The following PAN3 variants were observed in gnomAD, a reference collection of about 807,000 sequenced individuals.
The protein encoded by PAN3 is PAN2-PAN3 deadenylation complex subunit PAN3.
In PAN3, 19 loss-of-function variants were observed where a neutral mutation model predicts 96.2. The ratio of observed to expected loss-of-function variants is 0.20; its 90% confidence interval spans 0.14 to 0.29. PAN3 has a LOEUF of 0.29. Among genes scored for constraint, PAN3 ranks in the 10% least tolerant of loss-of-function variants. The probability of loss-of-function intolerance (pLI) is 1.00; values close to 1 mark genes in which losing one functional copy is unlikely to be tolerated. For synonymous variants in PAN3, 433 were observed against 406.6 expected, an observed-to-expected ratio of 1.06 and a Z score of -0.78; for missense variants, 882 against 1,108.1, an observed-to-expected ratio of 0.80 and a Z score of 2.90.
At chr13:28,270,634 AT>A in intron 12 of PAN3, 66 bp from the exon 13 acceptor site, 1 of 1,503,124 alleles carries the variant, frequency 6.7e-7, no homozygotes, top group Non-Finnish European at 9.1e-7. Flanking sequence ...GCTAATTTTG[AT>A]GTTAATGCTT....
At chr13:28,262,900 G>T (rs368841049) in intron 9 of PAN3, among the ~76,000 whole-genome samples, 1 of 152,118 alleles carries the variant, frequency 6.6e-6, no homozygotes, top group African/African-American at 2.4e-5. Context: ...TATTTATTAC[G>T]CAGTATTAAA....
At chr13:28,206,483 C>G (rs374302892) in intron 5 of PAN3, among the ~76,000 whole-genome samples, 16 of 151,832 alleles carry the variant, frequency 1.1e-4, no homozygotes, top group African/African-American at 3.9e-4. Flanking sequence ...CCACCACACC[C>G]GGCTAATTTT....
rs4142558 is a variant in PAN3, at chr13:28,177,978, A to G, written c.690+43A>G. Reference sequence around the variant, plus strand: ...TTGAATTAAACTAAATGGAATTTAGAAGTGATGTTGGCATTGTTACCTATG... The same window carrying G: ...TTGAATTAAACTAAATGGAATTTAGGAGTGATGTTGGCATTGTTACCTATG... On this transcript the variant is annotated intron_variant, in intron 4 of 18. Coordinates refer to ENST00000380958, the MANE Select transcript of PAN3 (RefSeq NM_175854.8). 3 of 1,532,668 alleles carry G rather than the reference A, an allele frequency of 2.0e-6. 1 individual carries two copies. In the Admixed American group the frequency reaches 5.1e-5, roughly 26 times the overall value. 94.9% of individuals were successfully genotyped at this position (1,532,668 alleles called of 1,614,324 possible). A position where few individuals can be genotyped will look rare whatever the true frequency, so the allele number is the denominator to read the frequency against.
intron 5 of PAN3, among the ~76,000 whole-genome samples, chr13:28,211,130 G>T (rs931919808): frequency 6.6e-6 from 1 of 151,930 alleles, no homozygotes; most frequent in Non-Finnish European, 1.5e-5. Context: ...CAGACTCTTG[G>T]CCTTGAGCAG....
intron 17 of PAN3, among the ~76,000 whole-genome samples, chr13:28,286,723 A>G (rs1222333468): frequency 1.3e-5 from 2 of 151,866 alleles, no homozygotes; most frequent in African/African-American, 2.4e-5. Flanking sequence ...TTTTTTAGGT[A>G]TTTACTGTCA....
At chr13:28,148,046 G>T (rs7326140) in intron 1 of PAN3, among the ~76,000 whole-genome samples, 5,721 of 151,760 alleles carry the variant, frequency 0.038, 334 homozygotes, top group African/African-American at 0.13. Flanking sequence ...GTCTCGACTT[G>T]CTGGGCTCAA....
chr13:28,287,944 A>G (rs1869195815), intron 17 of PAN3, 40 bp from the exon 18 acceptor site: 1 of 1,576,294 alleles, frequency 6.3e-7, no homozygotes, highest in Non-Finnish European at 8.6e-7. Context: ...CACAGACCAT[A>G]CAGCATGAGT....
rs1878153016 is a variant in PAN3 at position 28,197,179 on chromosome 13, T to C, written c.691-6T>C. On this transcript the variant is annotated splice_polypyrimidine_tract_variant and splice_region_variant and intron_variant, in intron 4 of 18. Coordinates refer to ENST00000380958, the MANE Select transcript of PAN3 (RefSeq NM_175854.8). ...GTGGCCTGGTTTCTTTCCTTCTTTT[T>C]CCTAGCCAAGGAAGTATCGCCTGGG... 2 of 1,610,512 alleles carry C rather than the reference T, an allele frequency of 1.2e-6. No individual in the cohort carries two copies. The highest frequency in any genetic ancestry group is 2.2e-5 in the South Asian group (2 of 90,380).
At position 28,289,299 on chromosome 13, in the gene PAN3, G is replaced by A. The variant is rs563410439; in HGVS notation, c.2523+1177G>A. Among the ~76,000 whole-genome samples, 239 of 152,004 alleles carry A rather than the reference G, an allele frequency of 1.6e-3. 1 individual carries two copies. Among genetic ancestry groups the A allele is most frequent in the African/African-American group, 5.2e-3 (214 of 41,486 alleles). ...GTGAGGTGAGCTTTTTTTTGGAACG[G>A]GGTTTTGATCTGTCACCCAGGCTAT... On this transcript the variant is annotated intron_variant, in intron 18 of 18. Coordinates refer to ENST00000380958, the MANE Select transcript of PAN3 (RefSeq NM_175854.8).
chr13:28,208,781 T>C (rs1475929522), intron 5 of PAN3, among the ~76,000 whole-genome samples: 3 of 152,218 alleles, frequency 2.0e-5, no homozygotes, highest in Non-Finnish European at 2.9e-5. Flanking sequence ...TTTATATGCA[T>C]TGATTTTTTT....
At chr13:28,245,848 A>G (rs1364006600) in intron 6 of PAN3, among the ~76,000 whole-genome samples, 2 of 151,866 alleles carry the variant, frequency 1.3e-5, no homozygotes, top group African/African-American at 4.8e-5. Flanking sequence ...GTATGTCAGT[A>G]TTTCCTTCCT....
chr13:28,290,787 C>A (rs796083605), intron 18 of PAN3, among the ~76,000 whole-genome samples: 12 of 152,194 alleles, frequency 7.9e-5, no homozygotes, highest in African/African-American at 2.6e-4. Context: ...AAAACCTTTT[C>A]TTGAGAGCAA....
At chr13:28,190,087 G>A (rs942337671) in intron 4 of PAN3, among the ~76,000 whole-genome samples, 1 of 152,098 alleles carries the variant, frequency 6.6e-6, no homozygotes, top group Non-Finnish European at 1.5e-5. Context: ...GGGATTATAG[G>A]CGCGTACCAC....
chr13:28,147,590 C>G (rs1046185359), intron 1 of PAN3, among the ~76,000 whole-genome samples: 5 of 152,134 alleles, frequency 3.3e-5, no homozygotes, highest in East Asian at 1.9e-4. Context: ...GTTGTTTACC[C>G]TCCTAATTGA....
intron 1 of PAN3, 48 bp downstream of exon 1, chr13:28,139,135 T>G: frequency 4.0e-6 from 5 of 1,265,564 alleles, no homozygotes; most frequent in Non-Finnish European, 5.0e-6. Flanking sequence ...AGGGCAGGCC[T>G]GGGCCGGATG....
At chr13:28,243,550 C>T (rs1394018109) in intron 6 of PAN3, among the ~76,000 whole-genome samples, 3 of 152,020 alleles carry the variant, frequency 2.0e-5, no homozygotes, top group Non-Finnish European at 4.4e-5. Flanking sequence ...AAAAAGATAC[C>T]AGAAGTCTAC....
chr13:28,153,967 G>A (rs1380398436), intron 1 of PAN3, among the ~76,000 whole-genome samples: 1 of 152,062 alleles, frequency 6.6e-6, no homozygotes, highest in East Asian at 1.9e-4. Flanking sequence ...AAACTTTTTA[G>A]GCCATTTATT....
chr13:28,140,623 C>T (rs1016991733), intron 1 of PAN3, among the ~76,000 whole-genome samples: 4 of 152,188 alleles, frequency 2.6e-5, no homozygotes, highest in African/African-American at 4.8e-5. Context: ...CTCAAGCGAT[C>T]TTCCTGCCTG....
At chr13:28,246,549 A>C (rs2138530528) in intron 6 of PAN3, among the ~76,000 whole-genome samples, 2 of 152,174 alleles carry the variant, frequency 1.3e-5, no homozygotes, top group South Asian at 4.1e-4. Flanking sequence ...GTATTTTTGT[A>C]CCCGTTAACC....
Sources: allele counts gnomAD v4.1 joint callset (sites outside exome capture counted in the v4.1 genomes callset), GRCh38; gene constraint gnomAD v4.1.1; transcripts MANE v1.5; gene names NCBI Gene and HGNC (gene_info 2026-07-23, HGNC 2026-07-21).